Variants in AOPEP observed in about 807,000 individuals in gnomAD.
AOPEP encodes the protein aminopeptidase O.
In AOPEP, 77 loss-of-function variants were observed where a neutral mutation model predicts 98.1. The observed-to-expected ratio is 0.78, with a 90% confidence interval of 0.65 to 0.95. The LOEUF is 0.95. Among genes scored for constraint, AOPEP ranks in the 40% least tolerant of loss-of-function variants. The probability of loss-of-function intolerance (pLI) is 0.00; values close to 1 mark genes in which losing one functional copy is unlikely to be tolerated. For missense variants in AOPEP, 1,024 were observed against 1,024.7 expected (o/e 1.00, Z 0.01); for synonymous variants, 346 against 365.3 (o/e 0.95, Z 0.60).
chr9:95,068,128 A>C (rs1392795206), intron 14 of AOPEP, among the ~76,000 whole-genome samples: 2 of 152,206 alleles, frequency 1.3e-5, no homozygotes, highest in East Asian at 3.8e-4. Context: ...TATTGTGAAT[A>C]ATGCTGCTAG....
intron 5 of AOPEP, among the ~76,000 whole-genome samples, chr9:94,813,690 G>GC (rs1399044253): frequency 6.6e-6 from 1 of 152,224 alleles, no homozygotes. Flanking sequence ...GTGGATCAGG[G>GC]CCTGGGCTTC....
intron 5 of AOPEP, among the ~76,000 whole-genome samples, chr9:94,884,901 C>T (rs1304161218): frequency 2.7e-5 from 4 of 149,780 alleles, no homozygotes; most frequent in Admixed American, 1.3e-4. Context: ...CCCAGCTACT[C>T]GGGAGGCTGA....
intron 5 of AOPEP, among the ~76,000 whole-genome samples, chr9:94,888,294 C>CATGTGT (rs369464833): frequency 7.3e-6 from 1 of 137,590 alleles, no homozygotes; most frequent in Non-Finnish European, 1.6e-5. Flanking sequence ...AGAACCTTAC[C>CATGTGT]GTGTGTGTGT....
intron 11 of AOPEP, among the ~76,000 whole-genome samples, chr9:94,992,809 A>G (rs1666066382): frequency 6.6e-6 from 1 of 152,150 alleles, no homozygotes; most frequent in Non-Finnish European, 1.5e-5. Context: ...GAGAGGAGAA[A>G]AGTTGGGATT....
At chr9:94,983,181 A>G (rs1378674222) in intron 11 of AOPEP, among the ~76,000 whole-genome samples, 1 of 152,042 alleles carries the variant, frequency 6.6e-6, no homozygotes, top group Non-Finnish European at 1.5e-5. Context: ...GCGGGCACGC[A>G]TGCCTGCTAA....
At chr9:95,102,812 T>C in the AOPEP span, among the ~76,000 whole-genome samples, 7 of 152,290 alleles carry the variant, frequency 4.6e-5, no homozygotes, top group South Asian at 1.5e-3. Context: ...AATGGCAGCG[T>C]GGGGACGCAG....
At chr9:94,978,503 G>A (rs1013295137) in intron 10 of AOPEP, among the ~76,000 whole-genome samples, 1 of 152,132 alleles carries the variant, frequency 6.6e-6, no homozygotes, top group Non-Finnish European at 1.5e-5. Context: ...ACAAACTCGG[G>A]TGGAGGCTGT....
At chr9:94,785,538 GA>G (rs1239205734) in intron 3 of AOPEP, among the ~76,000 whole-genome samples, 1 of 152,196 alleles carries the variant, frequency 6.6e-6, no homozygotes, top group Non-Finnish European at 1.5e-5. Flanking sequence ...CAGCTTTACA[GA>G]ATCTGCCCAG....
At chr9:94,785,502 G>T (rs1844234880) in intron 3 of AOPEP, among the ~76,000 whole-genome samples, 1 of 152,188 alleles carries the variant, frequency 6.6e-6, no homozygotes. Context: ...GAGAACTCTG[G>T]TCTCTTTCTG....
Position 94,759,764 on chromosome 9 carries a change from C to A in AOPEP, c.-20C>A. The A allele has an allele frequency of 6.3e-7, 1 of 1,585,172 alleles. No individual in the cohort carries two copies. The highest frequency in any genetic ancestry group is 1.2e-5 in the South Asian group (1 of 86,598). On this transcript the variant is annotated 5_prime_UTR_variant, in exon 2 of 17. Transcript: ENST00000375315. ...CCCCATCTGAGATTTTAATAAATCC[C>A]TCAAACAATAAACCACATCATGGAC...
intron 5 of AOPEP, among the ~76,000 whole-genome samples, chr9:94,853,086 C>T (rs1588548034): frequency 6.6e-6 from 1 of 152,112 alleles, no homozygotes; most frequent in Non-Finnish European, 1.5e-5. Flanking sequence ...GTGGATGAGA[C>T]AAATGATTCC....
chr9:94,820,456 A>G (rs927364999), intron 5 of AOPEP, among the ~76,000 whole-genome samples: 4 of 152,166 alleles, frequency 2.6e-5, no homozygotes, highest in Non-Finnish European at 5.9e-5. Flanking sequence ...GTCAATTATC[A>G]TTATCCCCTA....
intron 3 of AOPEP, among the ~76,000 whole-genome samples, chr9:94,786,910 C>A (rs1057350062): frequency 6.6e-6 from 1 of 151,982 alleles, no homozygotes; most frequent in African/African-American, 2.4e-5. Context: ...AGCCAAGAAA[C>A]CTTTTTGCTT....
intron 11 of AOPEP, among the ~76,000 whole-genome samples, chr9:94,986,791 G>T (rs982499816): frequency 1.3e-5 from 2 of 152,128 alleles, no homozygotes; most frequent in Admixed American, 1.3e-4. Context: ...TTTTCCTCTG[G>T]TGCCCCCAAA....
At chr9:95,048,023 T>C (rs938659331) in intron 13 of AOPEP, among the ~76,000 whole-genome samples, 10 of 152,206 alleles carry the variant, frequency 6.6e-5, no homozygotes, top group African/African-American at 2.4e-4. Context: ...AAGAAAACAG[T>C]CCTCTCACAC....
the AOPEP span, chr9:95,100,182 G>C: frequency 4.3e-6 from 1 of 232,678 alleles, no homozygotes; most frequent in Admixed American, 5.6e-5. Context: ...ATGAAGGCAA[G>C]GATCATGATG....
At chr9:95,125,069 T>C in the AOPEP span, 10 of 1,599,120 alleles carry the variant, frequency 6.3e-6, no homozygotes, top group Admixed American at 3.3e-5. Context: ...ATGAGTAATA[T>C]ATGTGATATA....
chr9:95,066,172 G>A (rs966915248), intron 14 of AOPEP, among the ~76,000 whole-genome samples: 5 of 152,030 alleles, frequency 3.3e-5, no homozygotes, highest in Admixed American at 1.3e-4. Flanking sequence ...ACATTTAATC[G>A]ATGTTTCAGA....
chr9:94,853,459 C>CA (rs911808316), intron 5 of AOPEP, among the ~76,000 whole-genome samples: 81 of 144,342 alleles, frequency 5.6e-4, no homozygotes, highest in African/African-American at 9.9e-4. Flanking sequence ...GACTCCATCT[C>CA]AAAAAAAAAA....
Sources: gnomAD v4.1 joint callset for allele counts (sites outside exome capture counted in the v4.1 genomes callset) on GRCh38, gnomAD v4.1.1 for gene constraint, MANE v1.5 for transcripts, NCBI Gene and HGNC (gene_info 2026-07-23, HGNC 2026-07-21) for gene names.